Variants in ADAM22 observed in about 807,000 individuals in gnomAD.
ADAM22 encodes ADAM metallopeptidase domain 22.
ADAM22 carries 65 observed loss-of-function variants against 144.6 expected under a neutral mutation model. The observed-to-expected ratio is 0.45, with a 90% confidence interval of 0.37 to 0.55. ADAM22 has a LOEUF of 0.55. ADAM22 is among the 20% of genes least tolerant of loss of function. The pLI, the probability that ADAM22 is intolerant of heterozygous loss-of-function variation, is 0.00. For synonymous variants in ADAM22, 391 were observed against 412.6 expected, an observed-to-expected ratio of 0.95 and a Z score of 0.63; for missense variants, 974 against 1,184.9, an observed-to-expected ratio of 0.82 and a Z score of 2.61.
intron 4 of ADAM22, among the ~76,000 whole-genome samples, chr7:88,085,541 C>G (rs1286525998): frequency 6.6e-6 from 1 of 152,134 alleles, no homozygotes; most frequent in African/African-American, 2.4e-5. Context: ...TAGCAAGAGA[C>G]TGTCTTGAAC....
At chr7:88,065,361 A>G (rs1440925517) in intron 3 of ADAM22, among the ~76,000 whole-genome samples, 3 of 152,092 alleles carry the variant, frequency 2.0e-5, no homozygotes, top group Non-Finnish European at 2.9e-5. Flanking sequence ...TTAACCAAGT[A>G]TCTATTTTTA....
intron 22 of ADAM22, among the ~76,000 whole-genome samples, chr7:88,156,330 G>T (rs747069843): frequency 5.3e-5 from 8 of 152,050 alleles, no homozygotes; most frequent in Non-Finnish European, 1.0e-4. Context: ...ATCTACTTTT[G>T]CTCCCTTATG....
intron 2 of ADAM22, among the ~76,000 whole-genome samples, chr7:87,949,671 G>A (rs1319314068): frequency 6.6e-6 from 1 of 151,372 alleles, no homozygotes; most frequent in Non-Finnish European, 1.5e-5. Flanking sequence ...TTTAAACTAT[G>A]GTTTTGAACT....
In ADAM22 at chr7:87,997,983, C is replaced by T. The variant is rs1791624403; in HGVS notation, c.323+19571C>T. Among the ~76,000 whole-genome samples, 3 of 152,224 alleles carry T rather than the reference C, an allele frequency of 2.0e-5. No individual in the cohort carries two copies. In the South Asian group the frequency reaches 6.2e-4, roughly 32 times the overall value. ...AAAAGTAGGGAAGCTGACAGTGCAG[C>T]CGTCAGTCTATGGCTGAAGGCCTGA... On this transcript the variant is annotated intron_variant, in intron 3 of 31. Coordinates refer to ENST00000413139, the MANE Select transcript of ADAM22 (RefSeq NM_001324418.2).
rs369503189 is a variant in ADAM22, at chr7:87,985,805, T to C, written c.323+7393T>C. ...GTAGTCTTTGCGTGCCTATATGTTT[T>C]CATTTCTCTTGGATAGATACCTAGA... On this transcript the variant is annotated intron_variant, in intron 3 of 31. Transcript: ENST00000413139. Among the ~76,000 whole-genome samples, 4 of 152,352 alleles carry C rather than the reference T, an allele frequency of 2.6e-5. No homozygotes were observed. The East Asian group carries it at 7.7e-4, about 29-fold the overall frequency.
intron 3 of ADAM22, among the ~76,000 whole-genome samples, chr7:88,062,762 C>G (rs780337186): frequency 1.3e-5 from 2 of 152,166 alleles, no homozygotes; most frequent in Admixed American, 6.5e-5. Flanking sequence ...ACATGCAACT[C>G]CTCCTTTTCT....
intron 3 of ADAM22, among the ~76,000 whole-genome samples, chr7:88,029,671 A>T (rs888298201): frequency 6.6e-6 from 1 of 152,138 alleles, no homozygotes; most frequent in Non-Finnish European, 1.5e-5. Context: ...TGTTGATGAA[A>T]TCACTCAACT....
At chr7:88,049,004 A>T (rs1805449567) in intron 3 of ADAM22, among the ~76,000 whole-genome samples, 1 of 152,200 alleles carries the variant, frequency 6.6e-6, no homozygotes, top group Non-Finnish European at 1.5e-5. Context: ...TTGAGGAATT[A>T]GTCACCCAAA....
At chr7:88,053,293 C>A (rs1485353252) in intron 3 of ADAM22, among the ~76,000 whole-genome samples, 1 of 151,782 alleles carries the variant, frequency 6.6e-6, no homozygotes, top group African/African-American at 2.4e-5. Flanking sequence ...TAGCAAGACA[C>A]CCTCTCCGCT....
chr7:88,153,403 C>T lies in ADAM22; in HGVS notation c.1787+77C>T. The T allele has an allele frequency of 3.4e-6, 4 of 1,179,586 alleles. No individual in the cohort carries two copies. The Admixed American group carries it at 8.4e-5, about 25-fold the overall frequency. 73.1% of individuals were successfully genotyped at this position (1,179,586 alleles called of 1,614,324 possible). On this transcript the variant is annotated intron_variant, in intron 21 of 31. Transcript: ENST00000413139. The stretch of plus-strand genomic sequence containing the variant: ...ACTTTTTTGAGTGACTAGGAAGTTT[C>T]TGCTTTCTGCATCACACAAAGTGTG...
intron 2 of ADAM22, among the ~76,000 whole-genome samples, chr7:87,973,196 A>T (rs1850925493): frequency 1.3e-5 from 2 of 152,366 alleles, no homozygotes; most frequent in East Asian, 3.9e-4. Context: ...TACTTATCTG[A>T]CAAAGGGCTA....
At chr7:87,982,062 T>TACACAC (rs1255207602) in intron 3 of ADAM22, among the ~76,000 whole-genome samples, 49 of 108,842 alleles carry the variant, frequency 4.5e-4, no homozygotes, top group East Asian at 3.1e-3. Flanking sequence ...TATATATATA[T>TACACAC]ATATATACAC....
intron 2 of ADAM22, among the ~76,000 whole-genome samples, chr7:87,965,182 C>T (rs1039557628): frequency 6.6e-6 from 1 of 152,120 alleles, no homozygotes; most frequent in African/African-American, 2.4e-5. Context: ...TAAAGGAAGC[C>T]TTTGGTTAAA....
chr7:88,108,282 T>C lies in ADAM22; in HGVS notation c.473+24T>C, dbSNP rs1317849322. 7 of 1,588,786 alleles carry C rather than the reference T, an allele frequency of 4.4e-6. No individual in the cohort carries two copies. The South Asian group carries it at 4.5e-5, about 10-fold the overall frequency. ...CAGTAAGTGTTCAAAAAGTTATTTT[T>C]ACTGTTTGTTTTTTCAATAATTTAT... On this transcript the variant is annotated intron_variant, in intron 5 of 31. Coordinates refer to ENST00000413139, the MANE Select transcript of ADAM22 (RefSeq NM_001324418.2).
intron 3 of ADAM22, among the ~76,000 whole-genome samples, chr7:88,030,427 G>A (rs1743753760): frequency 6.6e-6 from 1 of 151,974 alleles, no homozygotes; most frequent in Admixed American, 6.6e-5. Context: ...CAGCCCTTTT[G>A]AAATCTGTCT....
Position 87,939,642 on chromosome 7 carries a change from TG to T in ADAM22, c.246+4459del, listed in dbSNP as rs543622077. Among the ~76,000 whole-genome samples, 763 of 152,336 alleles carry T rather than the reference TG, an allele frequency of 5.0e-3. 2 individuals carry two copies. The highest frequency in any genetic ancestry group is 8.4e-3 in the Non-Finnish European group (573 of 68,026). Reference sequence around the variant, plus strand: ...ATTTATAATGCACTTACAACAATGCTGGGCATAGAGTAAGCACTATATGAGT... The same window carrying T: ...ATTTATAATGCACTTACAACAATGCTGGCATAGAGTAAGCACTATATGAGT... On this transcript the variant is annotated intron_variant, in intron 2 of 31. Transcript: ENST00000413139.
At chr7:88,023,661 C>T (rs1430697760) in intron 3 of ADAM22, among the ~76,000 whole-genome samples, 2 of 152,216 alleles carry the variant, frequency 1.3e-5, no homozygotes, top group Non-Finnish European at 2.9e-5. Context: ...CTACCTCAGC[C>T]TCCCAAAGTG....
At chr7:88,035,802 A>G (rs958231269) in intron 3 of ADAM22, among the ~76,000 whole-genome samples, 2 of 152,184 alleles carry the variant, frequency 1.3e-5, no homozygotes, top group Admixed American at 6.5e-5. Flanking sequence ...CCTGGAACCA[A>G]TTCCCCAAGG....
At chr7:88,001,677 T>C (rs1792597539) in intron 3 of ADAM22, among the ~76,000 whole-genome samples, 5 of 152,032 alleles carry the variant, frequency 3.3e-5, no homozygotes, top group Admixed American at 3.3e-4. Flanking sequence ...TCAGAACTGA[T>C]TGTGGCCCAC....
Sources: allele counts gnomAD v4.1 joint callset (sites outside exome capture counted in the v4.1 genomes callset), GRCh38; gene constraint gnomAD v4.1.1; transcripts MANE v1.5; gene names NCBI Gene and HGNC (gene_info 2026-07-23, HGNC 2026-07-21).